Variants in RBKS observed in about 807,000 individuals in gnomAD.
RBKS encodes the protein ribokinase.
A neutral mutation model predicts 33.9 loss-of-function variants in RBKS; 33 were observed. The ratio of observed to expected loss-of-function variants is 0.97; its 90% CI spans 0.74 to 1.30. The LOEUF (loss-of-function observed/expected upper bound fraction) is 1.30, where lower values mean the gene tolerates loss of function less well. Ranked by LOEUF, RBKS falls within the 50% of genes most tolerant of loss-of-function variation. The pLI is 0.00. For missense variants in RBKS, 361 were observed against 392.6 expected, an observed-to-expected ratio of 0.92 and a Z score of 0.68; for synonymous variants, 125 against 143.0, an observed-to-expected ratio of 0.87 and a Z score of 0.90.
At chr2:27,819,624 T>C (rs1314858655) in intron 7 of RBKS, among the ~76,000 whole-genome samples, 1 of 152,160 alleles carries the variant, frequency 6.6e-6, no homozygotes, top group Non-Finnish European at 1.5e-5. Context: ...GACCAAGCAA[T>C]GTGGCAAAAG....
chr2:27,791,478 C>T lies in RBKS; in HGVS notation c.796-9690G>A, dbSNP rs566695133. On this transcript the variant is annotated intron_variant, in intron 7 of 7. Coordinates refer to ENST00000302188, the MANE Select transcript of RBKS (RefSeq NM_022128.3). ...AGCACATCTATGTTCTCCCCTCTCC[C>T]TCAGCACACTAACTGGGATCTCAGG... Among the ~76,000 whole-genome samples the T allele has an allele frequency of 1.2e-4, 19 of 152,156 alleles. No homozygotes were observed. The East Asian group carries it at 3.3e-3, about 26-fold the overall frequency.
chr2:27,815,851 C>A (rs1678082187), intron 7 of RBKS, among the ~76,000 whole-genome samples: 1 of 152,196 alleles, frequency 6.6e-6, no homozygotes, highest in East Asian at 1.9e-4. Context: ...CATTCTAAAT[C>A]TAGATTTAGT....
chr2:27,855,671 A>G (rs1473919996), intron 2 of RBKS, among the ~76,000 whole-genome samples: 2 of 152,170 alleles, frequency 1.3e-5, no homozygotes, highest in Non-Finnish European at 2.9e-5. Flanking sequence ...TTGGTCCATG[A>G]CTCAGCTAAA....
intron 7 of RBKS, among the ~76,000 whole-genome samples, chr2:27,801,335 C>A (rs1677776041): frequency 3.3e-5 from 5 of 152,076 alleles, no homozygotes; most frequent in Admixed American, 3.3e-4. Context: ...CTACAGCCTT[C>A]ATTTCATCCA....
intron 7 of RBKS, among the ~76,000 whole-genome samples, chr2:27,792,815 C>G (rs1205565350): frequency 6.6e-6 from 1 of 152,182 alleles, no homozygotes; most frequent in Non-Finnish European, 1.5e-5. Flanking sequence ...CATTCAAAAC[C>G]CTTTGCTGTC....
At chr2:27,789,971 A>G (rs760057750) in intron 7 of RBKS, among the ~76,000 whole-genome samples, 33 of 128,618 alleles carry the variant, frequency 2.6e-4, no homozygotes, top group South Asian at 4.6e-4. Context: ...ATATATATAT[A>G]TGTATATATA....
intron 1 of RBKS, among the ~76,000 whole-genome samples, chr2:27,884,011 C>G (rs1046482549): frequency 6.6e-6 from 1 of 152,144 alleles, no homozygotes; most frequent in Non-Finnish European, 1.5e-5. Context: ...ACTTTTCAGA[C>G]CAATTTAAGA....
intron 7 of RBKS, among the ~76,000 whole-genome samples, chr2:27,801,842 G>A (rs913342904): frequency 3.3e-5 from 5 of 150,040 alleles, no homozygotes; most frequent in Admixed American, 2.7e-4. Context: ...AAGATGCCAC[G>A]CACTTTTGTT....
At chr2:27,871,283 A>G (rs1664205437) in intron 1 of RBKS, among the ~76,000 whole-genome samples, 1 of 152,180 alleles carries the variant, frequency 6.6e-6, no homozygotes, top group African/African-American at 2.4e-5. Flanking sequence ...ACAAACAAAC[A>G]AAAAAACCCA....
At chr2:27,831,511 C>T (rs1678412942) in intron 6 of RBKS, among the ~76,000 whole-genome samples, 1 of 152,182 alleles carries the variant, frequency 6.6e-6, no homozygotes, top group Admixed American at 6.5e-5. Context: ...AAAAATATTG[C>T]ATAACCTATT....
intron 3 of RBKS, 105 bp downstream of exon 3, chr2:27,847,929 C>A: frequency 1.5e-6 from 1 of 681,144 alleles, no homozygotes; most frequent in Non-Finnish European, 2.6e-6. Context: ...ATTCTCTGGC[C>A]ACCAGGGGAA....
intron 6 of RBKS, among the ~76,000 whole-genome samples, chr2:27,830,438 G>A (rs1396277038): frequency 6.6e-6 from 1 of 151,964 alleles, no homozygotes; most frequent in Non-Finnish European, 1.5e-5. Flanking sequence ...GCTAATTTTT[G>A]TATTTTTAGT....
In RBKS at chr2:27,781,462, TATAAA is replaced by T; in HGVS notation, c.*148_*152del. 1 of 613,332 alleles carries T rather than the reference TATAAA, an allele frequency of 1.6e-6. No homozygotes were observed. Among genetic ancestry groups the T allele is most frequent in the Non-Finnish European group, 2.8e-6 (1 of 362,588 alleles). 38.0% of individuals were successfully genotyped at this position (613,332 alleles called of 1,614,324 possible). A position where few individuals can be genotyped will look rare whatever the true frequency, so the allele number is the denominator to read the frequency against. On this transcript the variant is annotated 3_prime_UTR_variant, in exon 8 of 8. Coordinates refer to ENST00000302188, the MANE Select transcript of RBKS (RefSeq NM_022128.3). ...GCATGGAAAGCAAAAGAATCATCGT[TATAAA>T]TAAATTGAAGCTTGAGGATGACTTC...
intron 1 of RBKS, among the ~76,000 whole-genome samples, chr2:27,888,971 GCA>G (rs1442509875): frequency 6.6e-6 from 1 of 152,116 alleles, no homozygotes; most frequent in African/African-American, 2.4e-5. Flanking sequence ...TTTTATCTTG[GCA>G]CAGTGTCTGA....
In RBKS at chr2:27,806,672, C is replaced by T. The variant is rs1352670279; in HGVS notation, c.795+20895G>A. On this transcript the variant is annotated intron_variant, in intron 7 of 7. Transcript: ENST00000302188. The stretch of plus-strand genomic sequence containing the variant: ...GCCATAAATGTATTCTAACTTTGCT[C>T]AAAAATATTTTGAAACTTCTCTTTC... Among the ~76,000 whole-genome samples, 5 of 152,178 alleles carry T rather than the reference C, an allele frequency of 3.3e-5. No homozygotes were observed. In the South Asian group the frequency reaches 1.0e-3, roughly 31 times the overall value.
At chr2:27,860,685 A>C (rs1363932067) in intron 1 of RBKS, among the ~76,000 whole-genome samples, 1 of 152,184 alleles carries the variant, frequency 6.6e-6, no homozygotes, top group Non-Finnish European at 1.5e-5. Flanking sequence ...CTCATTTCTA[A>C]ACAACTTCTA....
In RBKS at chr2:27,890,350, C is replaced by G; in HGVS notation, c.-5G>C. 6.2e-7 allele frequency: 1 copy of G among 1,612,918 alleles called. No homozygotes were observed. Among genetic ancestry groups the G allele is most frequent in the Non-Finnish European group, 8.5e-7 (1 of 1,179,858 alleles). On this transcript the variant is annotated 5_prime_UTR_variant, in exon 1 of 8. Transcript: ENST00000302188. This position sits in a 1 kb window ranked among gnomAD's most constrained non-coding sequence, Gnocchi z 4.8. ...GGGTTCCCCAGACGCCGCCATCGCT[C>G]AAAGGTGCTGCTGTCCAACCTGGAC...
In RBKS at chr2:27,827,779, A is replaced by C. The variant is rs758124866; in HGVS notation, c.607-24T>G. On this transcript the variant is annotated intron_variant, in intron 6 of 7. Coordinates refer to ENST00000302188, the MANE Select transcript of RBKS (RefSeq NM_022128.3). ...GCCTAGAATACACAAAAGTCAACAG[A>C]AACAGTGGTGAAAATAAGTAACCTG... The C allele has an allele frequency of 6.5e-7, 1 of 1,532,594 alleles. No homozygotes were observed. The allele number at this position is 1,532,594 out of a possible 1,614,324, so 94.9% of individuals were successfully genotyped here.
intron 1 of RBKS, 52 bp from the exon 2 acceptor site, chr2:27,858,623 T>C (rs771689649): frequency 1.3e-6 from 2 of 1,534,348 alleles, no homozygotes; most frequent in Admixed American, 1.8e-5. Flanking sequence ...CTGTAATCAA[T>C]TTAAGTTCTT....
Sources: allele counts gnomAD v4.1 joint callset (sites outside exome capture counted in the v4.1 genomes callset), GRCh38; gene constraint gnomAD v4.1.1; non-coding constraint Gnocchi (gnomAD v3.1); transcripts MANE v1.5; gene names NCBI Gene and HGNC (gene_info 2026-07-23, HGNC 2026-07-21).